Variants in PARD3B observed in about 807,000 individuals in gnomAD.
The protein encoded by PARD3B is par-3 family cell polarity regulator beta.
Under a neutral mutation model 130.2 loss-of-function variants are expected in PARD3B, and 103 were observed. The ratio of observed to expected loss-of-function variants is 0.79; its 90% confidence interval spans 0.67 to 0.93. The LOEUF (loss-of-function observed/expected upper bound fraction) is 0.93, where lower values mean the gene tolerates loss of function less well. Ranked by LOEUF, PARD3B falls within the 40% of genes least tolerant of loss-of-function variation. PARD3B has a pLI of 0.00. For synonymous variants in PARD3B, 583 were observed against 553.2 expected (o/e 1.05, Z -0.76); for missense variants, 1,609 against 1,499.2 (o/e 1.07, Z -1.21).
chr2:204,669,914 T>C lies in PARD3B; in HGVS notation c.121-16267T>C, dbSNP rs1159948069. Among the ~76,000 whole-genome samples the C allele has an allele frequency of 1.3e-5, 2 of 152,152 alleles. No homozygotes were observed. The highest frequency in any genetic ancestry group is 2.9e-5 in the Non-Finnish European group (2 of 68,022). On this transcript the variant is annotated intron_variant, in intron 1 of 22. Coordinates refer to ENST00000406610, the MANE Select transcript of PARD3B (RefSeq NM_001302769.2). This position sits in a 1 kb window ranked among gnomAD's most constrained non-coding sequence, Gnocchi z 4.3. Reference sequence around the variant, plus strand: ...GTAACCACTAAAGGGAATAAAAATATTTGAATAACTCTATTAATGGAAAGG... The same window carrying C: ...GTAACCACTAAAGGGAATAAAAATACTTGAATAACTCTATTAATGGAAAGG...
At position 205,301,247 on chromosome 2, in the gene PARD3B, G is replaced by C. The variant is rs970963494; in HGVS notation, c.2393-217G>C. ...ACATATCAAGCCTTTCATACTACCAGCTAAGCAACCGGTTGTCCCCACTCC... is the reference window on the plus strand; with the variant it reads ...ACATATCAAGCCTTTCATACTACCACCTAAGCAACCGGTTGTCCCCACTCC... On this transcript the variant is annotated intron_variant, in intron 17 of 22. Transcript: ENST00000406610. This position sits in a 1 kb window ranked among gnomAD's most constrained non-coding sequence, Gnocchi z 5.2. Among the ~76,000 whole-genome samples the C allele has an allele frequency of 4.6e-5, 7 of 152,128 alleles. No homozygotes were observed. Among genetic ancestry groups the C allele is most frequent in the Non-Finnish European group, 7.4e-5 (5 of 68,016 alleles).
At chr2:205,426,387 A>T (rs2047147468) in intron 19 of PARD3B, among the ~76,000 whole-genome samples, 2 of 152,198 alleles carry the variant, frequency 1.3e-5, no homozygotes, top group African/African-American at 4.8e-5. Flanking sequence ...ACAAAGGATA[A>T]TTATAGTGAC....
intron 1 of PARD3B, among the ~76,000 whole-genome samples, chr2:204,626,497 A>G (rs1000174222): frequency 1.3e-5 from 2 of 152,158 alleles, no homozygotes; most frequent in Non-Finnish European, 2.9e-5. Context: ...GGAAGTAGAC[A>G]TAATTATACA....
chr2:204,615,774 C>T (rs1235714657), intron 1 of PARD3B, among the ~76,000 whole-genome samples: 1 of 152,094 alleles, frequency 6.6e-6, no homozygotes, highest in Admixed American at 6.6e-5. Flanking sequence ...TTCAGTTTGA[C>T]AATGAAAATA....
At chr2:205,054,436 A>ATTTTTT (rs769918623) in intron 4 of PARD3B, among the ~76,000 whole-genome samples, 1 of 28,438 alleles carries the variant, frequency 3.5e-5, no homozygotes, top group Non-Finnish European at 5.7e-5. Context: ...ATATATATAT[A>ATTTTTT]TTTTTTTTTT....
chr2:204,937,251 C>T (rs1387605753), intron 2 of PARD3B, among the ~76,000 whole-genome samples: 2 of 152,218 alleles, frequency 1.3e-5, no homozygotes, highest in Admixed American at 6.5e-5. Flanking sequence ...GGATGACTTG[C>T]ACATGCATCT....
At chr2:204,746,365 T>G (rs2040228833) in intron 2 of PARD3B, among the ~76,000 whole-genome samples, 1 of 152,076 alleles carries the variant, frequency 6.6e-6, no homozygotes. Flanking sequence ...CCACATTTTC[T>G]TAATCCAGTC....
intron 3 of PARD3B, among the ~76,000 whole-genome samples, chr2:205,041,719 T>C (rs929851742): frequency 5.3e-5 from 8 of 151,998 alleles, no homozygotes; most frequent in African/African-American, 1.9e-4. Flanking sequence ...AGGAGAATCA[T>C]TAACCATCTT....
intron 2 of PARD3B, among the ~76,000 whole-genome samples, chr2:204,919,220 C>A (rs1355545562): frequency 3.3e-5 from 5 of 152,118 alleles, no homozygotes; most frequent in Non-Finnish European, 5.9e-5. Context: ...GCATGCATAT[C>A]ATTAGCAAGA....
chr2:205,490,831 G>A (rs1256880872), intron 20 of PARD3B, among the ~76,000 whole-genome samples: 1 of 152,208 alleles, frequency 6.6e-6, no homozygotes, highest in East Asian at 1.9e-4. Context: ...GTATCTCATT[G>A]TGGTTTTTGA....
chr2:204,915,677 C>T (rs2047415582), intron 2 of PARD3B, among the ~76,000 whole-genome samples: 3 of 152,122 alleles, frequency 2.0e-5, no homozygotes. Context: ...TTCTGAGTCA[C>T]ATATCTGAAA....
Position 204,890,145 on chromosome 2 carries a change from A to C in PARD3B, c.223-75007A>C, listed in dbSNP as rs2046395992. Among the ~76,000 whole-genome samples the C allele has an allele frequency of 6.6e-6, 1 of 152,218 alleles. No homozygotes were observed. Among genetic ancestry groups the C allele is most frequent in the Admixed American group, 6.5e-5 (1 of 15,276 alleles). On this transcript the variant is annotated intron_variant, in intron 2 of 22. Transcript: ENST00000406610. This position sits in a 1 kb window ranked among gnomAD's most constrained non-coding sequence, Gnocchi z 4.9. Reference sequence around the variant, plus strand: ...TCCGCCTTCTCCGCATGCCAGCAGGAGCACTCACCACACTGCAATCCATCT... The same window carrying C: ...TCCGCCTTCTCCGCATGCCAGCAGGCGCACTCACCACACTGCAATCCATCT...
At chr2:204,885,746 G>T (rs1393083553) in intron 2 of PARD3B, among the ~76,000 whole-genome samples, 1 of 152,188 alleles carries the variant, frequency 6.6e-6, no homozygotes, top group South Asian at 2.1e-4. Flanking sequence ...TAGGTATCTA[G>T]TTGGGGGCCT....
intron 2 of PARD3B, among the ~76,000 whole-genome samples, chr2:204,863,361 G>A (rs1042161781): frequency 6.6e-6 from 1 of 152,132 alleles, no homozygotes. Flanking sequence ...CTGGTGAGGA[G>A]TCGTACTCTC....
chr2:205,363,578 G>C (rs2044477844), intron 18 of PARD3B, among the ~76,000 whole-genome samples: 1 of 152,154 alleles, frequency 6.6e-6, no homozygotes, highest in Admixed American at 6.5e-5. Context: ...ATAGAAATTA[G>C]AACTCACCCT....
rs151064430 is a variant in PARD3B, at chr2:205,321,479, C to CCTCT, written c.2630+19790_2630+19793dup. On this transcript the variant is annotated intron_variant, in intron 18 of 22. Coordinates refer to ENST00000406610, the MANE Select transcript of PARD3B (RefSeq NM_001302769.2). This position sits in a 1 kb window ranked among gnomAD's most constrained non-coding sequence, Gnocchi z 4.2. The stretch of plus-strand genomic sequence containing the variant: ...TTCTCTCTCTTCCTCTCTCTCTTTC[C>CCTCT]CTCTCTCTCTCTCTCCCCCCGCCCA... 6.7e-6 allele frequency among the ~76,000 whole-genome samples: 1 copy of CCTCT among 149,418 alleles called. No individual in the cohort carries two copies. Among genetic ancestry groups the CCTCT allele is most frequent in the Non-Finnish European group, 1.5e-5 (1 of 67,122 alleles).
intron 2 of PARD3B, among the ~76,000 whole-genome samples, chr2:204,892,624 GAT>G (rs2046491236): frequency 6.6e-6 from 1 of 152,176 alleles, no homozygotes; most frequent in Non-Finnish European, 1.5e-5. Flanking sequence ...ACTGAGAAAA[GAT>G]ATAGGGGTGG....
chr2:204,831,845 T>C (rs538564785), intron 2 of PARD3B, among the ~76,000 whole-genome samples: 1 of 152,174 alleles, frequency 6.6e-6, no homozygotes, highest in Non-Finnish European at 1.5e-5. Flanking sequence ...AATGAATTAC[T>C]GAACAGAGTT....
At chr2:204,807,324 C>A (rs1320282233) in intron 2 of PARD3B, among the ~76,000 whole-genome samples, 1 of 152,084 alleles carries the variant, frequency 6.6e-6, no homozygotes, top group East Asian at 1.9e-4. Context: ...AATGGCTTTT[C>A]TTCAAAGGAC....
Sources: allele counts gnomAD v4.1 joint callset (sites outside exome capture counted in the v4.1 genomes callset), GRCh38; gene constraint gnomAD v4.1.1; non-coding constraint Gnocchi (gnomAD v3.1); transcripts MANE v1.5; gene names NCBI Gene and HGNC (gene_info 2026-07-23, HGNC 2026-07-21).